Variants in FLACC1 observed in about 807,000 individuals in gnomAD.
The protein encoded by FLACC1 is flagellum associated containing coiled-coil domains 1.
Under a neutral mutation model 62.8 loss-of-function variants are expected in FLACC1, and 66 were observed. That is an observed-to-expected ratio of 1.05 (90% CI 0.86 to 1.29). The LOEUF is 1.29. FLACC1 is among the 50% of genes most tolerant of loss of function. The probability of loss-of-function intolerance (pLI) is 0.00; values close to 1 mark genes in which losing one functional copy is unlikely to be tolerated. For synonymous variants in FLACC1, 156 were observed against 161.0 expected (o/e 0.97, Z 0.24); for missense variants, 452 against 489.1 (o/e 0.92, Z 0.71).
intron 7 of FLACC1, among the ~76,000 whole-genome samples, chr2:201,338,163 C>T (rs1950732771): frequency 6.6e-6 from 1 of 152,066 alleles, no homozygotes; most frequent in African/African-American, 2.4e-5. Context: ...GCTTTGTAGC[C>T]AGTGTAAATG....
intron 7 of FLACC1, among the ~76,000 whole-genome samples, chr2:201,339,103 G>A (rs1950753319): frequency 6.6e-6 from 1 of 151,480 alleles, no homozygotes; most frequent in African/African-American, 2.4e-5. Flanking sequence ...CTCATTATTG[G>A]TCTTGAATAA....
chr2:201,306,640 A>G (rs573268074), intron 11 of FLACC1, among the ~76,000 whole-genome samples: 2 of 152,208 alleles, frequency 1.3e-5, no homozygotes, highest in Non-Finnish European at 2.9e-5. Flanking sequence ...TATAGAGAGG[A>G]CACAAAAATC....
At chr2:201,295,651 A>C (rs1576411722) in intron 12 of FLACC1, among the ~76,000 whole-genome samples, 1 of 152,358 alleles carries the variant, frequency 6.6e-6, no homozygotes, top group African/African-American at 2.4e-5. Flanking sequence ...AAAAGCCTAA[A>C]TTGGCAAATG....
At chr2:201,295,981 A>G (rs1949852176) in intron 12 of FLACC1, among the ~76,000 whole-genome samples, 1 of 152,210 alleles carries the variant, frequency 6.6e-6, no homozygotes, top group African/African-American at 2.4e-5. Context: ...CACACCAGTT[A>G]GAATGGCGAT....
chr2:201,352,902 G>T (rs1324322303), intron 1 of FLACC1, among the ~76,000 whole-genome samples: 1 of 152,190 alleles, frequency 6.6e-6, no homozygotes, highest in Non-Finnish European at 1.5e-5. Context: ...TGAGGAAAAG[G>T]TCCAGGAGCC....
intron 9 of FLACC1, among the ~76,000 whole-genome samples, chr2:201,327,227 A>G (rs1950513688): frequency 6.6e-6 from 1 of 152,216 alleles, no homozygotes; most frequent in Non-Finnish European, 1.5e-5. Context: ...ATTCTAGAAG[A>G]CATTAGAAAA....
Position 201,345,450 on chromosome 2 carries a change from T to TTGTGTGTGTGTG in FLACC1, c.368+1080_368+1091dup, listed in dbSNP as rs56229607. On this transcript the variant is annotated intron_variant, in intron 5 of 14. Coordinates refer to ENST00000392257, the MANE Select transcript of FLACC1 (RefSeq NM_001127391.3). ...AATACACTAGCAGATAGGTAGATGA[T>TTGTGTGTGTGTG]TGTGTGTGTGTGTGTGTGTGTGTGT... Among the ~76,000 whole-genome samples the TTGTGTGTGTGTG allele has an allele frequency of 6.3e-3, 909 of 144,182 alleles. 10 individuals carry two copies. Among genetic ancestry groups the TTGTGTGTGTGTG allele is most frequent in the African/African-American group, 0.022 (861 of 39,298 alleles). 94.6% of individuals were successfully genotyped at this position (144,182 alleles called of 152,430 possible). A position where few individuals can be genotyped will look rare whatever the true frequency, so the allele number is the denominator to read the frequency against.
At chr2:201,338,375 A>G (rs1950737860) in intron 7 of FLACC1, among the ~76,000 whole-genome samples, 1 of 152,128 alleles carries the variant, frequency 6.6e-6, no homozygotes, top group Admixed American at 6.5e-5. Context: ...CTCTTTTCCA[A>G]TTTGGATGCC....
At chr2:201,300,445 C>T (rs1340590335) in intron 11 of FLACC1, among the ~76,000 whole-genome samples, 2 of 152,142 alleles carry the variant, frequency 1.3e-5, no homozygotes, top group African/African-American at 4.8e-5. Flanking sequence ...TTGGGTGGAG[C>T]CCACCACAGC....
chr2:201,346,405 G>C lies in FLACC1; in HGVS notation c.368+137C>G, dbSNP rs895607935. ...TCATCAGGAAGCAGGGGCGAGGAGG[G>C]AGGTGCCCTTGCGGCCCCTCCAGAG... On this transcript the variant is annotated intron_variant, in intron 5 of 14. Transcript: ENST00000392257. The surrounding 1 kb of genome is among the most constrained non-coding windows in gnomAD (Gnocchi z 4.0). The C allele has an allele frequency of 3.3e-6, 4 of 1,224,294 alleles. No homozygotes were observed. The highest frequency in any genetic ancestry group is 4.6e-6 in the Non-Finnish European group (4 of 879,064). 75.8% of individuals were successfully genotyped at this position (1,224,294 alleles called of 1,614,324 possible). A position where few individuals can be genotyped will look rare whatever the true frequency, so the allele number is the denominator to read the frequency against.
intron 11 of FLACC1, among the ~76,000 whole-genome samples, chr2:201,306,877 T>A (rs1357978309): frequency 6.6e-6 from 1 of 152,190 alleles, no homozygotes; most frequent in Non-Finnish European, 1.5e-5. Flanking sequence ...GGGAAAAGAC[T>A]TGAACAGGCA....
At chr2:201,352,825 G>C (rs1352236736) in intron 1 of FLACC1, among the ~76,000 whole-genome samples, 1 of 152,206 alleles carries the variant, frequency 6.6e-6, no homozygotes, top group Non-Finnish European at 1.5e-5. Context: ...AAGATCTTGA[G>C]ATAGAAAGAT....
At chr2:201,322,042 G>A (rs6726792) in intron 9 of FLACC1, among the ~76,000 whole-genome samples, 14,384 of 152,138 alleles carry the variant, frequency 0.095, 1,056 homozygotes, top group South Asian at 0.26. Flanking sequence ...GCTGAGGCGG[G>A]TGGATCACTT....
intron 12 of FLACC1, among the ~76,000 whole-genome samples, chr2:201,297,891 T>G (rs1949899138): frequency 6.6e-6 from 1 of 151,968 alleles, no homozygotes; most frequent in Admixed American, 6.6e-5. Context: ...GGCATTTGAA[T>G]AAAGAACAGG....
chr2:201,329,749 GA>G (rs1345975161), intron 9 of FLACC1, among the ~76,000 whole-genome samples: 1 of 152,202 alleles, frequency 6.6e-6, no homozygotes, highest in Non-Finnish European at 1.5e-5. Context: ...GAGAGAGGAA[GA>G]GGGGGAAGGG....
chr2:201,346,614 GT>G lies in FLACC1; in HGVS notation c.295del (p.Thr99ProfsTer2), dbSNP rs1950921186. The G allele has an allele frequency of 6.2e-7, 1 of 1,614,092 alleles. No individual in the cohort carries two copies. Among genetic ancestry groups the G allele is most frequent in the African/African-American group, 1.3e-5 (1 of 74,918 alleles). ...CCTATCAAACATCTCATCCCCTAAG[GT>G]GACAGAAATCTGTTCCCGATTCCGA... ...LVRNREQISV[T>X]LGDEMFDRKK... On this transcript the variant is annotated frameshift_variant, in exon 5 of 15. Transcript: ENST00000392257. LOFTEE classifies it high-confidence loss of function. The surrounding 1 kb of genome is among the most constrained non-coding windows in gnomAD (Gnocchi z 4.0).
At chr2:201,344,322 C>G in intron 5 of FLACC1, 59 bp from the exon 6 acceptor site, 1 of 1,426,206 alleles carries the variant, frequency 7.0e-7, no homozygotes, top group East Asian at 2.3e-5. Context: ...GCCATTCAGG[C>G]CCCTGAGCAT....
intron 9 of FLACC1, among the ~76,000 whole-genome samples, chr2:201,325,702 AG>A (rs1188951341): frequency 6.6e-6 from 1 of 152,230 alleles, no homozygotes; most frequent in Non-Finnish European, 1.5e-5. Flanking sequence ...CAACAAAAAA[AG>A]CCCAGGACTA....
intron 12 of FLACC1, among the ~76,000 whole-genome samples, chr2:201,296,743 G>T (rs1430673309): frequency 2.6e-5 from 4 of 152,172 alleles, no homozygotes; most frequent in Admixed American, 2.6e-4. Context: ...TAAGGATAGA[G>T]GGCCATGGTG....
Sources: allele counts gnomAD v4.1 joint callset (sites outside exome capture counted in the v4.1 genomes callset), GRCh38; gene constraint gnomAD v4.1.1; non-coding constraint Gnocchi (gnomAD v3.1); transcripts MANE v1.5; gene names NCBI Gene and HGNC (gene_info 2026-07-23, HGNC 2026-07-21).